ATP10A: variants seen among roughly 807,000 people sequenced by gnomAD.
ATP10A encodes the protein phospholipid-transporting ATPase VA.
ATP10A carries 111 observed loss-of-function variants against 147.8 expected under a neutral mutation model. That is an observed-to-expected ratio of 0.75 (90% CI 0.64 to 0.88). ATP10A has a LOEUF of 0.88. ATP10A is among the 40% of genes least tolerant of loss of function. The pLI is 0.00. For synonymous variants in ATP10A, 875 were observed against 841.6 expected, an observed-to-expected ratio of 1.04 and a Z score of -0.69; for missense variants, 1,927 against 1,959.0, an observed-to-expected ratio of 0.98 and a Z score of 0.31.
intron 2 of ATP10A, among the ~76,000 whole-genome samples, chr15:25,765,052 G>C (rs1201864693): frequency 6.6e-6 from 1 of 152,156 alleles, no homozygotes; most frequent in Non-Finnish European, 1.5e-5. Flanking sequence ...CTTGCTTCTA[G>C]ACGATTTTCT....
chr15:25,837,147 G>A (rs1567421190), intron 1 of ATP10A, among the ~76,000 whole-genome samples: 1 of 152,032 alleles, frequency 6.6e-6, no homozygotes, highest in Non-Finnish European at 1.5e-5. Flanking sequence ...TAATACAAGA[G>A]TAACTACCAT....
At chr15:25,766,653 A>C (rs1173337333) in intron 2 of ATP10A, among the ~76,000 whole-genome samples, 1 of 151,984 alleles carries the variant, frequency 6.6e-6, no homozygotes, top group Non-Finnish European at 1.5e-5. Flanking sequence ...GGTGGTGCTT[A>C]CATGCACTGA....
Position 25,707,047 on chromosome 15 carries a change from T to C in ATP10A, c.2575+929A>G, listed in dbSNP as rs72701799. On this transcript the variant is annotated intron_variant, in intron 12 of 20. Transcript: ENST00000555815. ...GCCACTCATGGTGCCACTGGGCCCC[T>C]GGATCCCGGGGCTTTCCAAGTAATG... 4.6e-3 allele frequency among the ~76,000 whole-genome samples: 696 copies of C among 152,350 alleles called. 2 individuals are homozygous for C. The highest frequency in any genetic ancestry group is 8.1e-3 in the Non-Finnish European group (550 of 68,020).
At chr15:25,742,708 C>T (rs1887636940) in intron 2 of ATP10A, among the ~76,000 whole-genome samples, 1 of 152,166 alleles carries the variant, frequency 6.6e-6, no homozygotes, top group Non-Finnish European at 1.5e-5. Flanking sequence ...CCTAAGAGTC[C>T]CTAAGAACTG....
At chr15:25,708,390 G>C (rs933556668) in intron 10 of ATP10A, 90 bp from the exon 11 acceptor site, 5 of 1,148,388 alleles carry the variant, frequency 4.4e-6, no homozygotes, top group African/African-American at 1.5e-5. Flanking sequence ...ACGTCTGTTC[G>C]TTACTTGCGA....
chr15:25,681,686 A>G (rs1899418862), intron 17 of ATP10A, among the ~76,000 whole-genome samples: 1 of 152,116 alleles, frequency 6.6e-6, no homozygotes, highest in South Asian at 2.1e-4. Context: ...CTACAAAACT[A>G]TCTGCAGCTG....
intron 7 of ATP10A, 32 bp downstream of exon 7, chr15:25,721,625 C>T: frequency 6.3e-7 from 1 of 1,596,654 alleles, no homozygotes; most frequent in Non-Finnish European, 8.5e-7. Flanking sequence ...CTGGTTCAGC[C>T]TGGGTTGGGA....
chr15:25,808,673 A>G (rs10873608), intron 1 of ATP10A, among the ~76,000 whole-genome samples: 81,898 of 152,152 alleles, frequency 0.54, 23,360 homozygotes, highest in East Asian at 0.8. Flanking sequence ...CGTGAGCCAC[A>G]GTGCCTGGCT....
In ATP10A at chr15:25,862,946, G is replaced by C. The variant is rs1893839113; in HGVS notation, c.151C>G (p.Arg51Gly). ...AAGAAKGERR[R>G]RRGCAQHLAD... ...AGGTGCTGGGCACACCCGCGCCGCC[G>C]TCGCCGCTCGCCCTTGGCCGCGCCA... Residue 51 changes from arginine (R) to glycine (G), a missense_variant, in exon 1 of 21, where the codon CGG (arginine) becomes GGG (glycine). Physicochemically the swap from Arg to Gly is moderately radical, Grantham distance 125. Transcript: ENST00000555815. 3 of 1,571,000 alleles carry C rather than the reference G, an allele frequency of 1.9e-6. No homozygotes were observed. Among genetic ancestry groups the C allele is most frequent in the Non-Finnish European group, 2.6e-6 (3 of 1,164,004 alleles).
At chr15:25,763,220 T>C (rs988947172) in intron 2 of ATP10A, among the ~76,000 whole-genome samples, 1 of 152,222 alleles carries the variant, frequency 6.6e-6, no homozygotes, top group African/African-American at 2.4e-5. Flanking sequence ...AATAAGGGTG[T>C]TATTTTACGT....
chr15:25,740,781 A>C (rs1887542763), intron 2 of ATP10A, among the ~76,000 whole-genome samples: 2 of 152,174 alleles, frequency 1.3e-5, no homozygotes, highest in Admixed American at 1.3e-4. Flanking sequence ...TGATCACAGA[A>C]GTTTTCCACC....
intron 1 of ATP10A, among the ~76,000 whole-genome samples, chr15:25,824,148 G>GAA (rs11431365): frequency 2.0e-5 from 3 of 151,974 alleles, no homozygotes; most frequent in Admixed American, 6.6e-5. Context: ...CTATTAAAGA[G>GAA]AAAAAAAATA....
At chr15:25,807,984 A>G (rs532262830) in intron 1 of ATP10A, among the ~76,000 whole-genome samples, 1 of 152,294 alleles carries the variant, frequency 6.6e-6, no homozygotes, top group Non-Finnish European at 1.5e-5. Flanking sequence ...AACAATAAGC[A>G]ATCATGAAAG....
intron 10 of ATP10A, among the ~76,000 whole-genome samples, chr15:25,712,536 A>AG (rs1555458269): frequency 1.3e-5 from 2 of 151,552 alleles, no homozygotes; most frequent in Non-Finnish European, 2.9e-5. Context: ...AATAAGAGAG[A>AG]TTTTTTTTTG....
At chr15:25,744,467 C>T (rs1887739973) in intron 2 of ATP10A, among the ~76,000 whole-genome samples, 1 of 152,008 alleles carries the variant, frequency 6.6e-6, no homozygotes, top group Non-Finnish European at 1.5e-5. Flanking sequence ...TCAGGGATAA[C>T]CAGGCATAAC....
intron 2 of ATP10A, among the ~76,000 whole-genome samples, chr15:25,756,459 C>A (rs926196166): frequency 6.6e-6 from 1 of 152,100 alleles, no homozygotes; most frequent in African/African-American, 2.4e-5. Context: ...CCGGCTAACA[C>A]GGTGAAACCC....
Position 25,781,032 on chromosome 15 carries a change from C to T in ATP10A, c.641G>A (p.Gly214Asp), listed in dbSNP as rs778558836. ...TGGGTCACTTACAAGCTCCGAGAAGCCGCGGACCACCTGCCGCCGCTTCAG... is the reference window on the plus strand; with the variant it reads ...TGGGTCACTTACAAGCTCCGAGAAGTCGCGGACCACCTGCCGCCGCTTCAG... The part of the protein sequence containing the change: ...TNLKRRQVVR[G>D]FSELVSEFNP... Residue 214 changes from glycine to aspartate, a missense_variant, in exon 2 of 21, where the codon GGC (glycine) becomes GAC (aspartate). Transcript: ENST00000555815. 2.5e-6 allele frequency: 4 copies of T among 1,613,816 alleles called. No individual in the cohort carries two copies. Among genetic ancestry groups the T allele is most frequent in the South Asian group, 1.1e-5 (1 of 91,054 alleles).
chr15:25,771,604 T>G (rs1889338838), intron 2 of ATP10A, among the ~76,000 whole-genome samples: 1 of 152,076 alleles, frequency 6.6e-6, no homozygotes, highest in African/African-American at 2.4e-5. Context: ...ACACATTGAC[T>G]TTGTCTGATG....
chr15:25,677,281 G>C (rs923988568), downstream of ATP10A: 1 of 152,122 alleles, frequency 6.6e-6, no homozygotes, highest in African/African-American at 2.4e-5. Context: ...TTAGTTGCTT[G>C]CCATAGATTG....
Sources: gnomAD v4.1 joint callset for allele counts (sites outside exome capture counted in the v4.1 genomes callset) on GRCh38, gnomAD v4.1.1 for gene constraint, MANE v1.5 for transcripts, NCBI Gene and HGNC (gene_info 2026-07-23, HGNC 2026-07-21) for gene names.